TMEM255A: variants seen among roughly 807,000 people sequenced by gnomAD.
TMEM255A encodes transmembrane protein 255A.
TMEM255A carries 14 observed loss-of-function variants against 23.5 expected under a neutral mutation model. The observed-to-expected ratio is 0.60, with a 90% CI of 0.39 to 0.93. The LOEUF is 0.93. TMEM255A is among the 40% of genes least tolerant of loss of function. The pLI, the probability that TMEM255A is intolerant of heterozygous loss-of-function variation, is 0.00. For synonymous variants in TMEM255A, 104 were observed against 100.3 expected, an observed-to-expected ratio of 1.04 and a Z score of -0.22; for missense variants, 233 against 261.7, an observed-to-expected ratio of 0.89 and a Z score of 0.76.
chrX:120,311,159 C>T (rs1008631308), intron 1 of TMEM255A, 93 bp downstream of exon 1: 13 of 859,857 alleles, frequency 1.5e-5, no homozygotes, highest in African/African-American at 1.0e-4. Context: ...TTCCCGCTCT[C>T]CGGCTTTTGG....
chrX:120,277,247 A>T (rs1556020035), intron 6 of TMEM255A, among the ~76,000 whole-genome samples, 200 bp from the exon 7 acceptor site: 1 of 112,071 alleles, frequency 8.9e-6, no homozygotes, highest in Non-Finnish European at 1.9e-5. Flanking sequence ...CCCCGAAAAA[A>T]AACTCCTACC....
At chrX:120,267,572 A>T (rs1423939500) in intron 8 of TMEM255A, among the ~76,000 whole-genome samples, 2 of 112,383 alleles carry the variant, frequency 1.8e-5, no homozygotes, top group African/African-American at 6.5e-5. Context: ...GCATGCAATG[A>T]ATTCCTTTTA....
At chrX:120,303,517 G>A (rs903075040) in intron 2 of TMEM255A, among the ~76,000 whole-genome samples, 5 of 111,331 alleles carry the variant, frequency 4.5e-5, no homozygotes, top group Admixed American at 1.9e-4. Context: ...GTAAGCAAAC[G>A]TAAGCAACAA....
intron 7 of TMEM255A, among the ~76,000 whole-genome samples, chrX:120,269,303 GTAGGAC>G (rs1556018245): frequency 8.9e-6 from 1 of 111,891 alleles, no homozygotes; most frequent in Non-Finnish European, 1.9e-5. Context: ...TAGTTCCCAA[GTAGGAC>G]TGTGCTTTGT....
chrX:120,308,196 G>A (rs782104601), intron 1 of TMEM255A, among the ~76,000 whole-genome samples: 64 of 112,041 alleles, frequency 5.7e-4, no homozygotes, highest in African/African-American at 1.9e-3. Flanking sequence ...CATTACAATT[G>A]TAACCGTGGG....
chrX:120,297,407 T>C (rs1410041292), intron 2 of TMEM255A, among the ~76,000 whole-genome samples: 3 of 105,985 alleles, frequency 2.8e-5, no homozygotes, highest in Non-Finnish European at 3.9e-5. Context: ...CATTTTTGTA[T>C]GCGCTCAAAA....
At chrX:120,253,692 G>A (rs2057614656), downstream of TMEM255A, 1 of 1,210,315 alleles carries the variant, frequency 8.3e-7, no homozygotes, top group Admixed American at 2.2e-5. Context: ...AATTGTTCGT[G>A]TTAGATCAGA....
At chrX:120,272,360 C>T (rs1484363714) in intron 7 of TMEM255A, among the ~76,000 whole-genome samples, 1 of 111,517 alleles carries the variant, frequency 9.0e-6, no homozygotes, top group Non-Finnish European at 1.9e-5. Context: ...AACTGAAGGT[C>T]CCATTGACTG....
At position 120,295,397 on chromosome X, in the gene TMEM255A, G is replaced by T. The variant is rs922354200; in HGVS notation, c.202-1346C>A. Among the ~76,000 whole-genome samples, 70 of 110,650 alleles carry T rather than the reference G, an allele frequency of 6.3e-4. No individual in the cohort carries two copies. In the Admixed American group the frequency reaches 6.8e-3, roughly 11 times the overall value. ...TGGTAGGGCAGTGTAGGGGGACTGG[G>T]TGGCTGTCTCAGACCCCAAGAATGA... On this transcript the variant is annotated intron_variant, in intron 2 of 8. Transcript: ENST00000371369.
chrX:120,281,231 C>T (rs782718835), intron 6 of TMEM255A, among the ~76,000 whole-genome samples: 2 of 112,135 alleles, frequency 1.8e-5, no homozygotes, highest in African/African-American at 6.5e-5. Context: ...TCAATAAATA[C>T]TCGGTGAATG....
At chrX:120,264,364 T>C (rs2057701162) in intron 8 of TMEM255A, among the ~76,000 whole-genome samples, 1 of 110,090 alleles carries the variant, frequency 9.1e-6, no homozygotes, top group Non-Finnish European at 1.9e-5. Context: ...GTATGAGGAG[T>C]TCCTGAGAAG....
At chrX:120,293,851 A>T in intron 3 of TMEM255A, 138 bp downstream of exon 3, 1 of 412,472 alleles carries the variant, frequency 2.4e-6, no homozygotes, top group Non-Finnish European at 4.4e-6. Context: ...CACATTCCCT[A>T]GAGGTTTAGG....
intron 1 of TMEM255A, among the ~76,000 whole-genome samples, chrX:120,305,764 A>G (rs1421781722): frequency 9.0e-6 from 1 of 111,093 alleles, no homozygotes; most frequent in Non-Finnish European, 1.9e-5. Flanking sequence ...GGTGGTGGTG[A>G]GACGGGAGGG....
rs187139431 is a variant in TMEM255A at position 120,293,811 on chromosome X, C to T, written c.264+178G>A. Among the ~76,000 whole-genome samples, 24 of 112,312 alleles carry T rather than the reference C, an allele frequency of 2.1e-4. 1 individual carries two copies. In the Admixed American group the frequency reaches 2.3e-3, roughly 11 times the overall value. On this transcript the variant is annotated intron_variant, in intron 3 of 8. Transcript: ENST00000371369. ...GAGGGAGCATCAAGCAAGATGAGAA[C>T]CAATCCCATATCACAGGGTCACAGT...
intron 7 of TMEM255A, among the ~76,000 whole-genome samples, chrX:120,272,811 G>A (rs1024504648): frequency 4.0e-4 from 40 of 101,223 alleles, no homozygotes; most frequent in Non-Finnish European, 6.1e-4. Context: ...GCACGATCTC[G>A]GCTCACTGCA....
At chrX:120,294,261 C>T (rs2057938198) in intron 2 of TMEM255A, among the ~76,000 whole-genome samples, 1 of 108,406 alleles carries the variant, frequency 9.2e-6, no homozygotes, top group African/African-American at 3.4e-5. Context: ...GGTGAAACCC[C>T]GTCTCTACTA....
At chrX:120,279,582 T>C (rs1393842074) in intron 6 of TMEM255A, among the ~76,000 whole-genome samples, 4 of 112,160 alleles carry the variant, frequency 3.6e-5, no homozygotes, top group Non-Finnish European at 7.5e-5. Flanking sequence ...TTTGCCTGCC[T>C]CCTAAAACAC....
intron 6 of TMEM255A, among the ~76,000 whole-genome samples, chrX:120,284,140 C>T (rs1220684179): frequency 8.9e-6 from 1 of 111,775 alleles, no homozygotes; most frequent in African/African-American, 3.3e-5. Flanking sequence ...CTCCAGAATC[C>T]CCACCACATC....
chrX:120,261,923 A>G (rs183285786), intron 8 of TMEM255A, among the ~76,000 whole-genome samples: 1 of 111,890 alleles, frequency 8.9e-6, no homozygotes, highest in East Asian at 2.8e-4. Flanking sequence ...GCCAAGTAAT[A>G]GGTGCTCAAT....
Sources: gnomAD v4.1 joint callset for allele counts (sites outside exome capture counted in the v4.1 genomes callset) on GRCh38, gnomAD v4.1.1 for gene constraint, MANE v1.5 for transcripts, NCBI Gene and HGNC (gene_info 2026-07-23, HGNC 2026-07-21) for gene names.